WAPL: variants seen among roughly 807,000 people sequenced by gnomAD.
The protein encoded by WAPL is wings apart-like protein homolog.
WAPL carries 5 observed loss-of-function variants against 121.0 expected under a neutral mutation model. That is an observed-to-expected ratio of 0.04 (90% CI 0.02 to 0.09). The LOEUF is 0.09. Ranked by LOEUF, WAPL falls within the 10% of genes least tolerant of loss-of-function variation. The pLI, the probability that WAPL is intolerant of heterozygous loss-of-function variation, is 1.00. For synonymous variants in WAPL, 480 were observed against 481.5 expected, an observed-to-expected ratio of 1.00 and a Z score of 0.04; for missense variants, 999 against 1,410.8, an observed-to-expected ratio of 0.71 and a Z score of 4.68.
Position 86,453,131 on chromosome 10 carries a change from G to C in WAPL, c.2949+89C>G, listed in dbSNP as rs1030792000. 17 of 878,504 alleles carry C rather than the reference G, an allele frequency of 1.9e-5. No individual in the cohort carries two copies. The South Asian group carries it at 2.6e-4, about 14-fold the overall frequency. The allele number at this position is 878,504 out of a possible 1,614,324, so 54.4% of individuals were successfully genotyped here. ...GAAAAAAAACCCACAATATATTAAAGGGTTGGTTCTTAAACCCAAACTAAG... is the reference window on the plus strand; with the variant it reads ...GAAAAAAAACCCACAATATATTAAACGGTTGGTTCTTAAACCCAAACTAAG... On this transcript the variant is annotated intron_variant, in intron 14 of 18. Coordinates refer to ENST00000298767, the MANE Select transcript of WAPL (RefSeq NM_015045.5).
chr10:86,462,074 C>G (rs1204007990), intron 9 of WAPL, among the ~76,000 whole-genome samples: 1 of 152,218 alleles, frequency 6.6e-6, no homozygotes, highest in Non-Finnish European at 1.5e-5. Flanking sequence ...GAGCCACACT[C>G]ACAACCTGAG....
intron 4 of WAPL, among the ~76,000 whole-genome samples, chr10:86,481,577 T>C (rs1841788473): frequency 6.6e-6 from 1 of 152,100 alleles, no homozygotes; most frequent in Non-Finnish European, 1.5e-5. Context: ...TTATCCATGT[T>C]GGTCAGGCTG....
chr10:86,457,118 G>A lies in WAPL; in HGVS notation c.2657+1871C>T, dbSNP rs550940976. ...TAATTTAAAAAAGAAAATGAAATCA[G>A]AAACATTTAACTTCAATAATCTTTG... On this transcript the variant is annotated intron_variant, in intron 12 of 18. Transcript: ENST00000298767. Among the ~76,000 whole-genome samples, 3 of 152,192 alleles carry A rather than the reference G, an allele frequency of 2.0e-5. No homozygotes were observed. The East Asian group carries it at 5.8e-4, about 29-fold the overall frequency.
At position 86,437,439 on chromosome 10, in the gene WAPL, T is replaced by A. The variant is rs1465964773; in HGVS notation, c.*104A>T. ...AAAATCCAAACACGAATGATACTGA[T>A]GAATGTTCTTGGTATATCTTCAAGG... On this transcript the variant is annotated 3_prime_UTR_variant, in exon 19 of 19. Coordinates refer to ENST00000298767, the MANE Select transcript of WAPL (RefSeq NM_015045.5). 1.7e-6 allele frequency: 2 copies of A among 1,211,802 alleles called. No homozygotes were observed. Among genetic ancestry groups the A allele is most frequent in the South Asian group, 1.5e-5 (1 of 67,538 alleles). The allele number at this position is 1,211,802 out of a possible 1,614,324, so 75.1% of individuals were successfully genotyped here.
chr10:86,446,468 G>C lies in WAPL; in HGVS notation c.3115-19C>G. On this transcript the variant is annotated intron_variant, in intron 15 of 18. Transcript: ENST00000298767. ...GGAATAGCTGATAAAAATTATTTTTGAAGATCATTAAAAAGAGATTGCCAA... is the reference window on the plus strand; with the variant it reads ...GGAATAGCTGATAAAAATTATTTTTCAAGATCATTAAAAAGAGATTGCCAA... The C allele has an allele frequency of 6.2e-7, 1 of 1,608,084 alleles. No homozygotes were observed. Among genetic ancestry groups the C allele is most frequent in the Non-Finnish European group, 8.5e-7 (1 of 1,177,212 alleles).
chr10:86,494,776 G>A (rs1842119795), intron 4 of WAPL, among the ~76,000 whole-genome samples: 1 of 152,156 alleles, frequency 6.6e-6, no homozygotes, highest in Admixed American at 6.5e-5. Context: ...TGTATGAAAG[G>A]TTACTGGCAC....
intron 2 of WAPL, among the ~76,000 whole-genome samples, chr10:86,505,139 A>ATTTTTTTTTT (rs1842320931): frequency 1.3e-5 from 2 of 151,512 alleles, no homozygotes; most frequent in Admixed American, 1.3e-4. Context: ...AGTCACATAA[A>ATTTTTTTTTT]ATTCCTAAAA....
chr10:86,485,299 T>A (rs567858350), intron 4 of WAPL, among the ~76,000 whole-genome samples: 1 of 152,120 alleles, frequency 6.6e-6, no homozygotes, highest in African/African-American at 2.4e-5. Flanking sequence ...TCCCAGCACA[T>A]TGGGAGGCCG....
At chr10:86,454,285 T>A (rs74594085) in intron 12 of WAPL, among the ~76,000 whole-genome samples, 10,183 of 152,298 alleles carry the variant, frequency 0.067, 649 homozygotes, top group East Asian at 0.38. Flanking sequence ...CATTATTTTT[T>A]AATTTAAGTT....
At chr10:86,459,320 T>C (rs1190088661) in intron 11 of WAPL, among the ~76,000 whole-genome samples, 2 of 152,242 alleles carry the variant, frequency 1.3e-5, no homozygotes, top group African/African-American at 2.4e-5. Flanking sequence ...CTGTAACGAA[T>C]TGCCAAACAC....
intron 12 of WAPL, among the ~76,000 whole-genome samples, chr10:86,458,505 T>G (rs1039807469): frequency 1.3e-5 from 2 of 152,240 alleles, no homozygotes; most frequent in African/African-American, 4.8e-5. Flanking sequence ...TAGTATTTAC[T>G]ATACGCCAAG....
intron 15 of WAPL, among the ~76,000 whole-genome samples, chr10:86,447,661 G>A (rs1211016796): frequency 2.0e-5 from 3 of 152,152 alleles, no homozygotes; most frequent in Non-Finnish European, 4.4e-5. Flanking sequence ...GGTGATGAGG[G>A]TGGGAGGAGT....
intron 4 of WAPL, among the ~76,000 whole-genome samples, chr10:86,484,096 T>C (rs1192444849): frequency 6.6e-6 from 1 of 152,336 alleles, no homozygotes; most frequent in East Asian, 1.9e-4. Context: ...ATATAAAGAA[T>C]GAAAATATTT....
rs1842579054 is a variant in WAPL, at chr10:86,517,486, A to AAT, written c.499+83_499+84dup. 2.6e-5 allele frequency: 38 copies of AAT among 1,461,616 alleles called. No individual in the cohort carries two copies. The South Asian group carries it at 5.4e-4, about 21-fold the overall frequency. 90.5% of individuals were successfully genotyped at this position (1,461,616 alleles called of 1,614,324 possible). A position where few individuals can be genotyped will look rare whatever the true frequency, so the allele number is the denominator to read the frequency against. Reference sequence around the variant, plus strand: ...TATCATAAGTGCAGAAAGAAAACACAATATATATTTTAGAATTTAAATCAT... The same window carrying AAT: ...TATCATAAGTGCAGAAAGAAAACACAATATATATATTTTAGAATTTAAATCAT... On this transcript the variant is annotated intron_variant, in intron 2 of 18. Coordinates refer to ENST00000298767, the MANE Select transcript of WAPL (RefSeq NM_015045.5).
Position 86,459,057 on chromosome 10 carries a change from C to T in WAPL, c.2589G>A (p.Val863=). 1 of 1,604,872 alleles carries T rather than the reference C, an allele frequency of 6.2e-7. No individual in the cohort carries two copies. Among genetic ancestry groups the T allele is most frequent in the South Asian group, 1.1e-5 (1 of 88,730 alleles). Reference sequence around the variant, plus strand: ...AGTAGCTTTGATTTTCGGGATTATGCACAGTTACCTAAAAAGGAAGAATAT... The same window carrying T: ...AGTAGCTTTGATTTTCGGGATTATGTACAGTTACCTAAAAAGGAAGAATAT... ...RCLRVLESVT[V]HNPENQSYLI... is the part of the protein sequence containing the mutation. The change falls in exon 12 of 19, where the codon GTG becomes GTA. Residue 863 remains valine (V), a synonymous_variant. Transcript: ENST00000298767.
intron 9 of WAPL, among the ~76,000 whole-genome samples, chr10:86,465,992 T>C (rs1170870177): frequency 6.6e-6 from 1 of 152,072 alleles, no homozygotes. Flanking sequence ...GGCCTAGAAG[T>C]GGATGGAATC....
chr10:86,500,713 T>G lies in WAPL; in HGVS notation c.530A>C (p.Glu177Ala), dbSNP rs773888873. 6.4e-7 allele frequency: 1 copy of G among 1,569,994 alleles called. No individual in the cohort carries two copies. Among genetic ancestry groups the G allele is most frequent in the Admixed American group, 2.1e-5 (1 of 48,408 alleles). The change falls in exon 3 of 19, where the codon GAA becomes GCA. Residue 177 changes from glutamate (E) to alanine (A), a missense_variant. Physicochemically the swap from Glu to Ala is moderately radical, Grantham distance 107 (BLOSUM62 -1). Around this residue, in one of 7 missense-constraint regions of WAPL, gnomAD observed 531 missense variants for 563.1 expected, o/e 0.94. Coordinates refer to ENST00000298767, the MANE Select transcript of WAPL (RefSeq NM_015045.5). ...DKVENFHEEH[E>A]KNSHHIHKNA... The stretch of plus-strand genomic sequence containing the variant: ...TTTGTGAATATGGTGACTATTCTTT[T>G]CATGTTCTTCATGAAAATTCTCCAC...
chr10:86,463,630 G>C (rs11814255), intron 9 of WAPL, among the ~76,000 whole-genome samples: 15,034 of 152,144 alleles, frequency 0.099, 865 homozygotes, highest in African/African-American at 0.16. Context: ...TTAAACTTTG[G>C]GAGCCAGTGT....
chr10:86,511,921 A>C (rs1018908297), intron 2 of WAPL, among the ~76,000 whole-genome samples: 2 of 123,990 alleles, frequency 1.6e-5, no homozygotes, highest in Non-Finnish European at 3.5e-5. Flanking sequence ...CCTGTCTCCA[A>C]AAAATAAAAA....
Sources: allele counts gnomAD v4.1 joint callset (sites outside exome capture counted in the v4.1 genomes callset), GRCh38; gene constraint gnomAD v4.1.1; regional missense constraint gnomAD v4.1.1; transcripts MANE v1.5; gene names NCBI Gene and HGNC (gene_info 2026-07-23, HGNC 2026-07-21).